The following WWOX variants were observed in gnomAD, a reference collection of about 807,000 sequenced individuals.
WWOX encodes WW domain-containing oxidoreductase.
WWOX carries 69 observed loss-of-function variants against 46.2 expected under a neutral mutation model. That is an observed-to-expected ratio of 1.49 (90% CI 1.23 to 1.82). WWOX has a LOEUF of 1.82. Ranked by LOEUF, WWOX falls within the 40% of genes most tolerant of loss-of-function variation. The pLI, the probability that WWOX is intolerant of heterozygous loss-of-function variation, is 0.00. For synonymous variants in WWOX, 359 were observed against 202.6 expected, an observed-to-expected ratio of 1.77 and a Z score of -6.56; for missense variants, 919 against 542.6, an observed-to-expected ratio of 1.69 and a Z score of -6.89.
chr16:78,643,780 T>C (rs1227152933), intron 8 of WWOX, among the ~76,000 whole-genome samples: 1 of 151,716 alleles, frequency 6.6e-6, no homozygotes, highest in Non-Finnish European at 1.5e-5. Flanking sequence ...TATCACTCTT[T>C]GCTTGCTCAG....
chr16:78,787,081 G>C (rs2050475709), intron 8 of WWOX, among the ~76,000 whole-genome samples: 1 of 152,188 alleles, frequency 6.6e-6, no homozygotes, highest in African/African-American at 2.4e-5. Context: ...CTGGGAGGCG[G>C]AGGTTGCAGT....
intron 8 of WWOX, among the ~76,000 whole-genome samples, chr16:79,092,330 G>C (rs1475534936): frequency 1.3e-5 from 2 of 152,174 alleles, no homozygotes; most frequent in East Asian, 1.9e-4. Flanking sequence ...AATCGTGCTG[G>C]GTGGCTTGAA....
At chr16:78,120,555 C>T (rs8052888) in intron 4 of WWOX, among the ~76,000 whole-genome samples, 20,377 of 146,754 alleles carry the variant, frequency 0.14, 1,661 homozygotes, top group East Asian at 0.26. Context: ...CCGGCCTGGG[C>T]GACAGAGCGA....
At chr16:78,595,322 C>A (rs545195679) in intron 8 of WWOX, among the ~76,000 whole-genome samples, 1 of 151,778 alleles carries the variant, frequency 6.6e-6, no homozygotes, top group Non-Finnish European at 1.5e-5. Flanking sequence ...GAATATGGAA[C>A]CAAAGCCTGT....
At chr16:79,052,218 T>A (rs528525761) in intron 8 of WWOX, among the ~76,000 whole-genome samples, 53 of 118,102 alleles carry the variant, frequency 4.5e-4, no homozygotes, top group African/African-American at 1.6e-3. Context: ...GTCCCCAGAG[T>A]GTGATATTCC....
At chr16:78,691,179 A>G (rs2047978754) in intron 8 of WWOX, 4 of 698,150 alleles carry the variant, frequency 5.7e-6, no homozygotes, top group Admixed American at 4.1e-5. Context: ...TTGTGCGATA[A>G]GAGAATAGAT....
chr16:78,926,729 GTCTT>G (rs1345466857), intron 8 of WWOX, among the ~76,000 whole-genome samples: 3 of 152,174 alleles, frequency 2.0e-5, no homozygotes, highest in Non-Finnish European at 4.4e-5. Context: ...ATGGAGAAAA[GTCTT>G]TCTACATTTC....
intron 8 of WWOX, among the ~76,000 whole-genome samples, chr16:78,885,816 A>T (rs79272934): frequency 0.036 from 5,507 of 152,154 alleles, 208 homozygotes; most frequent in Admixed American, 0.093. Context: ...TTAAGTCTAT[A>T]TATTAAAGAA....
chr16:78,806,815 C>G (rs1018212057), intron 8 of WWOX, among the ~76,000 whole-genome samples: 1 of 152,156 alleles, frequency 6.6e-6, no homozygotes, highest in Non-Finnish European at 1.5e-5. Context: ...GAATGTGGGA[C>G]TGGACATACT....
At chr16:78,473,475 G>C (rs982662765) in intron 8 of WWOX, among the ~76,000 whole-genome samples, 4 of 152,172 alleles carry the variant, frequency 2.6e-5, no homozygotes, top group African/African-American at 9.7e-5. Flanking sequence ...GATTGCAGCA[G>C]GTTAGAGCAC....
chr16:78,967,773 G>T (rs1164665460), intron 8 of WWOX, among the ~76,000 whole-genome samples: 1 of 152,108 alleles, frequency 6.6e-6, no homozygotes, highest in East Asian at 1.9e-4. Context: ...GCAGAGGATG[G>T]CACAGAGTTC....
chr16:78,912,358 C>G (rs2045133714), intron 8 of WWOX, among the ~76,000 whole-genome samples: 1 of 151,968 alleles, frequency 6.6e-6, no homozygotes, highest in South Asian at 2.1e-4. Context: ...GAGGTGATGA[C>G]TGTCATCTGC....
At chr16:78,183,889 A>G (rs1336373716) in intron 5 of WWOX, among the ~76,000 whole-genome samples, 5 of 152,236 alleles carry the variant, frequency 3.3e-5, no homozygotes, top group Non-Finnish European at 1.5e-5. Context: ...GACCGTTTAC[A>G]GAAACCTCTG....
intron 8 of WWOX, among the ~76,000 whole-genome samples, chr16:79,024,683 C>A (rs1394128199): frequency 6.6e-6 from 1 of 152,130 alleles, no homozygotes; most frequent in Non-Finnish European, 1.5e-5. Flanking sequence ...GATCTGCCCA[C>A]CTCGGCCTCC....
rs986456697 is a variant in WWOX, at chr16:78,891,814, A to C, written c.1057-319794A>C. ...CTGAAATGTCCCAGTGAGAAATTTCATATATGAAGGCAAAGGAAAAAAAAA... is the reference window on the plus strand; with the variant it reads ...CTGAAATGTCCCAGTGAGAAATTTCCTATATGAAGGCAAAGGAAAAAAAAA... On this transcript the variant is annotated intron_variant, in intron 8 of 8. Coordinates refer to ENST00000566780, the MANE Select transcript of WWOX (RefSeq NM_016373.4). 5 of 152,306 alleles carry C rather than the reference A, an allele frequency of 3.3e-5. No individual in the cohort carries two copies. The South Asian group carries it at 1.0e-3, about 32-fold the overall frequency. The allele number at this position is 152,306 out of a possible 1,614,324, so 9.4% of individuals were successfully genotyped here.
chr16:79,100,249 C>T (rs2049164615), intron 8 of WWOX, among the ~76,000 whole-genome samples: 1 of 151,970 alleles, frequency 6.6e-6, no homozygotes. Flanking sequence ...AGATACCCAC[C>T]AAAGATAAAT....
At chr16:78,119,857 C>G (rs191631536) in intron 4 of WWOX, among the ~76,000 whole-genome samples, 2 of 152,160 alleles carry the variant, frequency 1.3e-5, no homozygotes, top group Non-Finnish European at 2.9e-5. Flanking sequence ...CCTAAACCAG[C>G]AGTGGCTAAA....
In WWOX at chr16:78,252,025, G is replaced by C. The variant is rs903396633; in HGVS notation, c.516+87736G>C. 2.6e-5 allele frequency among the ~76,000 whole-genome samples: 4 copies of C among 152,190 alleles called. No homozygotes were observed. In the South Asian group the frequency reaches 8.3e-4, roughly 32 times the overall value. The stretch of plus-strand genomic sequence containing the variant: ...TGGCAAGTGTCATGGGACTTGTAAA[G>C]TAAATTGCAGGTTAAGCCCTCATTT... On this transcript the variant is annotated intron_variant, in intron 5 of 8. Coordinates refer to ENST00000566780, the MANE Select transcript of WWOX (RefSeq NM_016373.4).
intron 8 of WWOX, among the ~76,000 whole-genome samples, chr16:79,022,754 G>A (rs1037606956): frequency 8.5e-5 from 13 of 152,298 alleles, no homozygotes; most frequent in Admixed American, 2.6e-4. Context: ...CACCAAGCCC[G>A]GAACTGAGGT....
Sources: gnomAD v4.1 joint callset for allele counts (sites outside exome capture counted in the v4.1 genomes callset) on GRCh38, gnomAD v4.1.1 for gene constraint, MANE v1.5 for transcripts, NCBI Gene and HGNC (gene_info 2026-07-23, HGNC 2026-07-21) for gene names.